The following ACER3 variants were observed in gnomAD, a reference collection of about 807,000 sequenced individuals.
ACER3 encodes the protein alkCDase 3.
A neutral mutation model predicts 48.9 loss-of-function variants in ACER3; 16 were observed. The observed-to-expected ratio is 0.33, with a 90% CI of 0.22 to 0.50. ACER3 has a LOEUF of 0.50. Among genes scored for constraint, ACER3 ranks in the 20% least tolerant of loss-of-function variants. ACER3 has a pLI of 0.98. For synonymous variants in ACER3, 109 were observed against 107.8 expected, an observed-to-expected ratio of 1.01 and a Z score of -0.07; for missense variants, 227 against 326.0, an observed-to-expected ratio of 0.70 and a Z score of 2.34.
At chr11:76,956,862 A>G (rs892748116) in intron 2 of ACER3, among the ~76,000 whole-genome samples, 1 of 152,148 alleles carries the variant, frequency 6.6e-6, no homozygotes, top group African/African-American at 2.4e-5. Flanking sequence ...TGAGTGCAAT[A>G]ACTATCTTAT....
intron 2 of ACER3, 132 bp from the exon 3 acceptor site, chr11:76,958,847 A>G (rs3740768): frequency 0.5 from 470,820 of 944,500 alleles, 125,646 homozygotes; most frequent in Non-Finnish European, 0.56. Context: ...AGAGTCAGCT[A>G]TATCTTGCCA....
intron 2 of ACER3, among the ~76,000 whole-genome samples, chr11:76,948,211 CTGTGTGTGTGTGTGTGTGTGTGTGTGTG>C (rs57302394): frequency 4.4e-5 from 6 of 135,764 alleles, no homozygotes; most frequent in African/African-American, 1.6e-4. Flanking sequence ...CTGGCTCACT[CTGTGTGTGTGTGTGTGTGTGTGTGTGTG>C]TGTGTGTGTG....
chr11:76,951,741 C>T lies in ACER3; in HGVS notation c.215-7238C>T, dbSNP rs1338395209. Among the ~76,000 whole-genome samples, 4 of 152,182 alleles carry T rather than the reference C, an allele frequency of 2.6e-5. No homozygotes were observed. The East Asian group carries it at 7.7e-4, about 29-fold the overall frequency. ...TATATGCCTGGCACTGGGCAAGTTT[C>T]TGGTGACAGTGAACTGTGGAGACCT... On this transcript the variant is annotated intron_variant, in intron 2 of 10. Transcript: ENST00000532485.
intron 1 of ACER3, among the ~76,000 whole-genome samples, chr11:76,863,934 C>G (rs1298128235): frequency 6.6e-6 from 1 of 152,212 alleles, no homozygotes; most frequent in African/African-American, 2.4e-5. Flanking sequence ...TTCTATCACA[C>G]ATTCATTGTT....
chr11:76,997,391 T>C (rs560422360), intron 6 of ACER3, among the ~76,000 whole-genome samples: 5 of 152,330 alleles, frequency 3.3e-5, no homozygotes, highest in Admixed American at 1.3e-4. Context: ...CTTTACTAGA[T>C]TGTGATTGCT....
chr11:77,007,984 A>G (rs1949188257), intron 7 of ACER3, among the ~76,000 whole-genome samples: 1 of 152,228 alleles, frequency 6.6e-6, no homozygotes, highest in Non-Finnish European at 1.5e-5. Flanking sequence ...AGCTTGATTT[A>G]ATCATTCCAC....
intron 1 of ACER3, among the ~76,000 whole-genome samples, chr11:76,874,273 CA>C (rs1245346380): frequency 6.6e-6 from 1 of 151,550 alleles, no homozygotes; most frequent in Non-Finnish European, 1.5e-5. Context: ...TCTCATTTTA[CA>C]AAAACTGATA....
chr11:76,975,520 C>G (rs1428765958), intron 3 of ACER3, among the ~76,000 whole-genome samples: 1 of 152,002 alleles, frequency 6.6e-6, no homozygotes, highest in Admixed American at 6.6e-5. Flanking sequence ...CCATTAATAC[C>G]TCTTCTTATG....
chr11:76,972,181 A>G (rs1200865659), intron 3 of ACER3, among the ~76,000 whole-genome samples: 1 of 152,214 alleles, frequency 6.6e-6, no homozygotes, highest in Non-Finnish European at 1.5e-5. Context: ...AGGAACTGCC[A>G]GGCTGTTTTT....
At chr11:76,995,531 A>T (rs1324097583) in intron 6 of ACER3, among the ~76,000 whole-genome samples, 1 of 152,222 alleles carries the variant, frequency 6.6e-6, no homozygotes, top group Non-Finnish European at 1.5e-5. Flanking sequence ...ATATAGAAAG[A>T]TAAAATTTCA....
chr11:76,933,136 T>G (rs1017818022), intron 2 of ACER3, among the ~76,000 whole-genome samples: 1 of 146,604 alleles, frequency 6.8e-6, no homozygotes, highest in Non-Finnish European at 1.5e-5. Flanking sequence ...CATCAACCTC[T>G]TCTCCCTTCA....
intron 1 of ACER3, among the ~76,000 whole-genome samples, chr11:76,913,555 A>C (rs1379258041): frequency 1.3e-5 from 2 of 152,124 alleles, no homozygotes; most frequent in Non-Finnish European, 2.9e-5. Flanking sequence ...TCAATACCTA[A>C]TTTACAAATG....
chr11:76,992,669 C>T (rs1354629110), intron 6 of ACER3, among the ~76,000 whole-genome samples: 1 of 152,146 alleles, frequency 6.6e-6, no homozygotes, highest in African/African-American at 2.4e-5. Context: ...TTCTTTCATT[C>T]AACAGATGTC....
intron 7 of ACER3, among the ~76,000 whole-genome samples, chr11:77,004,988 T>G (rs1555020553): frequency 6.6e-6 from 1 of 151,922 alleles, no homozygotes; most frequent in East Asian, 1.9e-4. Context: ...CTCTCTGGTT[T>G]TTTGCTTTTA....
chr11:76,939,107 G>A (rs1214413857), intron 2 of ACER3, among the ~76,000 whole-genome samples: 1 of 152,108 alleles, frequency 6.6e-6, no homozygotes, highest in African/African-American at 2.4e-5. Flanking sequence ...GAGTTCCTAT[G>A]ATTCTAAAAA....
At chr11:76,956,789 T>C (rs1360583490) in intron 2 of ACER3, among the ~76,000 whole-genome samples, 1 of 152,070 alleles carries the variant, frequency 6.6e-6, no homozygotes, top group Non-Finnish European at 1.5e-5. Context: ...CCTTTGTACC[T>C]TCTAATTACT....
chr11:76,960,193 G>A (rs994032280), intron 3 of ACER3, among the ~76,000 whole-genome samples: 3 of 151,950 alleles, frequency 2.0e-5, no homozygotes, highest in Admixed American at 1.3e-4. Flanking sequence ...GGTGGATCAC[G>A]AGGTCAGGAG....
intron 2 of ACER3, among the ~76,000 whole-genome samples, chr11:76,934,921 TCTC>T (rs1306613412): frequency 5.3e-5 from 8 of 152,118 alleles, no homozygotes; most frequent in African/African-American, 1.9e-4. Context: ...TAGAATTTCT[TCTC>T]CACAACAAAC....
intron 2 of ACER3, among the ~76,000 whole-genome samples, chr11:76,928,233 G>A (rs9795398): frequency 0.57 from 86,255 of 151,996 alleles, 27,858 homozygotes; most frequent in Non-Finnish European, 0.74. Flanking sequence ...ATTTTTTCAT[G>A]TGTTTTTGGG....
Sources: allele counts gnomAD v4.1 joint callset (sites outside exome capture counted in the v4.1 genomes callset), GRCh38; gene constraint gnomAD v4.1.1; transcripts MANE v1.5; gene names NCBI Gene and HGNC (gene_info 2026-07-23, HGNC 2026-07-21).